The following RIF1 variants were observed in gnomAD, a reference collection of about 807,000 sequenced individuals.
The protein encoded by RIF1 is replication timing regulatory factor 1, also known as telomere-associated protein RIF1.
RIF1 carries 45 observed loss-of-function variants against 247.1 expected under a neutral mutation model. That is an observed-to-expected ratio of 0.18 (90% CI 0.14 to 0.23). The LOEUF is 0.23. Ranked by LOEUF, RIF1 falls within the 10% of genes least tolerant of loss-of-function variation. The pLI is 1.00. For missense variants in RIF1, 2,967 were observed against 2,862.5 expected (o/e 1.04, Z -0.83); for synonymous variants, 1,087 against 978.8 (o/e 1.11, Z -2.06).
At chr2:151,502,610 A>T (rs1444596183) in intron 11 of RIF1, among the ~76,000 whole-genome samples, 1 of 152,180 alleles carries the variant, frequency 6.6e-6, no homozygotes, top group African/African-American at 2.4e-5. Context: ...TCTATGTTTT[A>T]GAGAAAACAC....
Position 151,462,180 on chromosome 2 carries a change from T to G in RIF1, c.3228-62T>G. ...GAGCCACCGTACCTGGCCATAAGTT[T>G]AATTTCTAATTGTAAGAATATCATC... On this transcript the variant is annotated intron_variant, in intron 27 of 35. Transcript: ENST00000444746. 3 of 1,228,598 alleles carry G rather than the reference T, an allele frequency of 2.4e-6. No individual in the cohort carries two copies. In the South Asian group the frequency reaches 4.4e-5, roughly 18 times the overall value. The allele number at this position is 1,228,598 out of a possible 1,614,324, so 76.1% of individuals were successfully genotyped here. A position where few individuals can be genotyped will look rare whatever the true frequency, so the allele number is the denominator to read the frequency against.
Position 151,465,122 on chromosome 2 carries a change from G to A in RIF1, c.5602G>A (p.Asp1868Asn). 1.2e-6 allele frequency: 2 copies of A among 1,612,722 alleles called. No homozygotes were observed. The highest frequency in any genetic ancestry group is 1.7e-6 in the Non-Finnish European group (2 of 1,179,718). The change falls in exon 30 of 36, where the codon GAC becomes AAC. Residue 1868 changes from aspartate to asparagine, a missense_variant. Around this residue, in one of 7 missense-constraint regions of RIF1, gnomAD observed 2,028 missense variants for 1,825.6 expected, o/e 1.11. Coordinates refer to ENST00000444746, the MANE Select transcript of RIF1 (RefSeq NM_018151.5). ...TAAAACTGTTGGCCCGTGTTTAGGA[G>A]ACTCGAAAAATGTTTCACAGGAATC... is the stretch of plus-strand genomic sequence containing the variant. ...NFKTVGPCLG[D>N]SKNVSQESLE...
intron 9 of RIF1, chr2:151,493,185 ATAAG>A (rs1168100273): frequency 1.7e-6 from 1 of 573,124 alleles, no homozygotes; most frequent in African/African-American, 1.9e-5. Flanking sequence ...TTTCAGTTGA[ATAAG>A]TGCAAATTTT....
chr2:151,517,404 A>ATAGT, the RIF1 span, among the ~76,000 whole-genome samples: 1 of 152,250 alleles, frequency 6.6e-6, no homozygotes, highest in Admixed American at 6.5e-5. Flanking sequence ...GACGTTTCTA[A>ATAGT]TAGTTAGTCC....
chr2:151,494,792 G>GCA (rs2059054967), intron 9 of RIF1, among the ~76,000 whole-genome samples: 1 of 152,136 alleles, frequency 6.6e-6, no homozygotes, highest in Non-Finnish European at 1.5e-5. Flanking sequence ...GGGATTACAG[G>GCA]CGTGCACCAC....
chr2:151,462,739 T>C lies in RIF1; in HGVS notation c.3364-145T>C, dbSNP rs538397430. On this transcript the variant is annotated intron_variant, in intron 29 of 35. Coordinates refer to ENST00000444746, the MANE Select transcript of RIF1 (RefSeq NM_018151.5). ...ACACAAACTGTTAGGTATCTACCACTAACTTTGGAATAGTTGCCATATATT... is the reference window on the plus strand; with the variant it reads ...ACACAAACTGTTAGGTATCTACCACCAACTTTGGAATAGTTGCCATATATT... 1.3e-5 allele frequency: 8 copies of C among 638,676 alleles called. 1 individual carries two copies. In the Admixed American group the frequency reaches 1.6e-4, roughly 13 times the overall value. The allele number at this position is 638,676 out of a possible 1,614,324, so 39.6% of individuals were successfully genotyped here.
chr2:151,510,392 C>A (rs1019833538), downstream of RIF1, among the ~76,000 whole-genome samples: 7 of 152,226 alleles, frequency 4.6e-5, no homozygotes, highest in African/African-American at 1.7e-4. Flanking sequence ...TACAGGGACA[C>A]TGGCTTTTAA....
At chr2:151,429,504 T>A (rs1001787482) in intron 9 of RIF1, among the ~76,000 whole-genome samples, 3 of 152,212 alleles carry the variant, frequency 2.0e-5, no homozygotes, top group Admixed American at 2.0e-4. Context: ...TTCTTACATG[T>A]TAGCACTGAG....
intron 20 of RIF1, among the ~76,000 whole-genome samples, chr2:151,446,947 T>C (rs578203154): frequency 2.2e-5 from 2 of 89,444 alleles, no homozygotes; most frequent in African/African-American, 5.9e-5. Flanking sequence ...TTCTCTTTCT[T>C]TTTTTTTTTT....
intron 34 of RIF1, among the ~76,000 whole-genome samples, chr2:151,470,793 A>C (rs1022832929): frequency 6.6e-6 from 1 of 152,190 alleles, no homozygotes; most frequent in African/African-American, 2.4e-5. Flanking sequence ...CTGGTTACTC[A>C]GAAAACCAAT....
At chr2:151,485,649 A>C, downstream of RIF1, 3 of 1,069,948 alleles carry the variant, frequency 2.8e-6, no homozygotes, top group East Asian at 4.8e-5. Flanking sequence ...TCACATTGAC[A>C]CAGAAAAACC....
Position 151,446,456 on chromosome 2 carries a change from T to G in RIF1, c.2125T>G (p.Ser709Ala). ...CATGAAGACTTTGCTTAGAACTTGG[T>G]CAGAATTATATAGAGCATTTGCTCG... ...ATMKTLLRTW[S>A]ELYRAFARCA... Residue 709 changes from serine (S) to alanine (A), a missense_variant, in exon 20 of 36, where the codon TCA becomes GCA. Transcript: ENST00000444746. 6.2e-7 allele frequency: 1 copy of G among 1,614,186 alleles called. No homozygotes were observed. Among genetic ancestry groups the G allele is most frequent in the Non-Finnish European group, 8.5e-7 (1 of 1,180,040 alleles).
intron 20 of RIF1, among the ~76,000 whole-genome samples, chr2:151,447,516 G>A (rs1159474416): frequency 6.6e-6 from 1 of 152,038 alleles, no homozygotes; most frequent in African/African-American, 2.4e-5. Context: ...CTGTAGTATG[G>A]TTGTACCATT....
At chr2:151,437,864 G>A (rs1214416296) in intron 13 of RIF1, among the ~76,000 whole-genome samples, 1 of 152,192 alleles carries the variant, frequency 6.6e-6, no homozygotes, top group Admixed American at 6.5e-5. Context: ...GTTATGCAGA[G>A]TCACTTACGA....
Position 151,464,564 on chromosome 2 carries a change from A to C in RIF1, c.5044A>C (p.Arg1682=). Residue 1682 remains arginine (R), a synonymous_variant, in exon 30 of 36, where the codon AGA becomes CGA. Transcript: ENST00000444746. ...TCTAAGGACTAGAAATGCCATTAAGAGATTACATAAGCGAGACTCTTTTGA... is the reference window on the plus strand; with the variant it reads ...TCTAAGGACTAGAAATGCCATTAAGCGATTACATAAGCGAGACTCTTTTGA... ...SNLRTRNAIK[R]LHKRDSFDNC... 1 of 1,613,034 alleles carries C rather than the reference A, an allele frequency of 6.2e-7. No homozygotes were observed.
chr2:151,511,392 C>T (rs139794371), downstream of RIF1, among the ~76,000 whole-genome samples: 370 of 152,314 alleles, frequency 2.4e-3, 9 homozygotes, highest in East Asian at 0.046. Context: ...CAATATACAA[C>T]TATATGTTTC....
chr2:151,500,651 C>T (rs2063772105), intron 11 of RIF1, among the ~76,000 whole-genome samples: 1 of 134,592 alleles, frequency 7.4e-6, no homozygotes, highest in African/African-American at 2.7e-5. Context: ...GGCTGGAGTA[C>T]AGTGGCACAA....
Position 151,416,693 on chromosome 2 carries a change from GTA to G in RIF1, c.408+8_408+9del. 1.2e-6 allele frequency: 2 copies of G among 1,612,090 alleles called. No individual in the cohort carries two copies. The highest frequency in any genetic ancestry group is 1.7e-6 in the Non-Finnish European group (2 of 1,179,586). On this transcript the variant is annotated splice_donor_region_variant and intron_variant, in intron 5 of 35. Transcript: ENST00000444746. ...TCTGAAGTGGTTGGCAAAATGGTGAGTATAGTTTTTGGGTATGCCATCTTAAC... is the reference window on the plus strand; with the variant it reads ...TCTGAAGTGGTTGGCAAAATGGTGAGTAGTTTTTGGGTATGCCATCTTAAC...
chr2:151,437,884 C>T (rs1401670753), intron 13 of RIF1, among the ~76,000 whole-genome samples: 1 of 152,094 alleles, frequency 6.6e-6, no homozygotes, highest in Non-Finnish European at 1.5e-5. Context: ...AGTGGTAGTA[C>T]CGTGTCAAGC....
Sources: allele counts gnomAD v4.1 joint callset (sites outside exome capture counted in the v4.1 genomes callset), GRCh38; gene constraint gnomAD v4.1.1; regional missense constraint gnomAD v4.1.1; transcripts MANE v1.5; gene names NCBI Gene and HGNC (gene_info 2026-07-23, HGNC 2026-07-21).